The following CLIP2 variants were observed in gnomAD, a reference collection of about 807,000 sequenced individuals.
CLIP2 encodes CAP-Gly domain containing linker protein 2.
CLIP2 carries 41 observed loss-of-function variants against 111.7 expected under a neutral mutation model. The ratio of observed to expected loss-of-function variants is 0.37; its 90% CI spans 0.29 to 0.48. CLIP2 has a LOEUF of 0.48. Among genes scored for constraint, CLIP2 ranks in the 20% least tolerant of loss-of-function variants. CLIP2 has a pLI of 0.99. For synonymous variants in CLIP2, 660 were observed against 644.2 expected (o/e 1.02, Z -0.37); for missense variants, 1,160 against 1,422.1 (o/e 0.82, Z 2.96).
chr7:74,331,940 T>C (rs1367656762), intron 2 of CLIP2, among the ~76,000 whole-genome samples: 2 of 152,052 alleles, frequency 1.3e-5, no homozygotes, highest in African/African-American at 4.8e-5. Flanking sequence ...TATTTGTGTC[T>C]TAAAGAAAAA....
At chr7:74,326,617 A>C (rs1195128565) in intron 2 of CLIP2, among the ~76,000 whole-genome samples, 21 of 150,010 alleles carry the variant, frequency 1.4e-4, no homozygotes, top group Admixed American at 1.3e-3. Context: ...TCTAGTACAC[A>C]CACAGGGCTG....
intron 8 of CLIP2, among the ~76,000 whole-genome samples, chr7:74,365,890 A>T (rs1410027366): frequency 1.3e-5 from 2 of 151,998 alleles, no homozygotes; most frequent in Admixed American, 1.3e-4. Flanking sequence ...AGTAGCTAGG[A>T]CTACAGGCGT....
intron 8 of CLIP2, among the ~76,000 whole-genome samples, chr7:74,372,724 G>A (rs1269953965): frequency 6.7e-6 from 1 of 150,374 alleles, no homozygotes; most frequent in Non-Finnish European, 1.5e-5. Context: ...GTGGGCATGA[G>A]GCCCCACACC....
chr7:74,295,632 T>C (rs1019119278), intron 1 of CLIP2, among the ~76,000 whole-genome samples: 5 of 152,182 alleles, frequency 3.3e-5, no homozygotes, highest in Non-Finnish European at 2.9e-5. Context: ...GAAAGGGGCT[T>C]GTGTGTTCTT....
At chr7:74,326,232 T>C (rs565550177) in intron 2 of CLIP2, among the ~76,000 whole-genome samples, 1 of 152,060 alleles carries the variant, frequency 6.6e-6, no homozygotes, top group East Asian at 1.9e-4. Flanking sequence ...AAAGGAAGAC[T>C]CTGTCTCATA....
chr7:74,368,410 A>G (rs1373981137), intron 8 of CLIP2, among the ~76,000 whole-genome samples: 6 of 151,720 alleles, frequency 4.0e-5, no homozygotes, highest in African/African-American at 1.5e-4. Context: ...CCAGCTATAC[A>G]GGAGGCTGAG....
At chr7:74,341,422 A>G (rs797037506) in intron 3 of CLIP2, among the ~76,000 whole-genome samples, 9 of 151,456 alleles carry the variant, frequency 5.9e-5, no homozygotes, top group African/African-American at 2.2e-4. Flanking sequence ...CTCTTGACCT[A>G]CCCACCTCGG....
chr7:74,346,446 G>C (rs1232240719), intron 3 of CLIP2, among the ~76,000 whole-genome samples: 1 of 152,158 alleles, frequency 6.6e-6, no homozygotes, highest in African/African-American at 2.4e-5. Context: ...TTTGCATCTG[G>C]GCACAGTGGC....
chr7:74,403,231 A>AAG (rs1175592437), intron 16 of CLIP2, among the ~76,000 whole-genome samples: 3 of 149,580 alleles, frequency 2.0e-5, no homozygotes, highest in Non-Finnish European at 4.4e-5. Context: ...AAAAAAAAAA[A>AAG]AGAGAGAGAG....
At chr7:74,318,812 A>G (rs1336830505) in intron 2 of CLIP2, among the ~76,000 whole-genome samples, 1 of 152,216 alleles carries the variant, frequency 6.6e-6, no homozygotes, top group Admixed American at 6.5e-5. Flanking sequence ...TACTCCAGCC[A>G]GCAGGATAGG....
chr7:74,354,808 G>A (rs1554308198), intron 4 of CLIP2, among the ~76,000 whole-genome samples: 4 of 151,336 alleles, frequency 2.6e-5, no homozygotes, highest in Non-Finnish European at 5.9e-5. Flanking sequence ...ATAAATAAAA[G>A]GTGAGGCAGC....
Position 74,399,816 on chromosome 7 carries a change from A to G in CLIP2, c.2881-554A>G, listed in dbSNP as rs111671437. Reference sequence around the variant, plus strand: ...CGGCCTCCCAAAGTGCTGGGATTACAGGCGTGAGCCACCAGGCTCGGTCTC... The same window carrying G: ...CGGCCTCCCAAAGTGCTGGGATTACGGGCGTGAGCCACCAGGCTCGGTCTC... On this transcript the variant is annotated intron_variant, in intron 14 of 16. Transcript: ENST00000223398. 8.8e-3 allele frequency among the ~76,000 whole-genome samples: 1,330 copies of G among 151,288 alleles called. 19 individuals carry two copies. Among genetic ancestry groups the G allele is most frequent in the African/African-American group, 0.029 (1,204 of 41,298 alleles).
At chr7:74,384,076 C>T (rs2116675607) in intron 11 of CLIP2, among the ~76,000 whole-genome samples, 1 of 152,278 alleles carries the variant, frequency 6.6e-6, no homozygotes, top group South Asian at 2.1e-4. Flanking sequence ...GGAATCCCAG[C>T]TACGCAGGAA....
At chr7:74,343,738 CAAA>C (rs34002172) in intron 3 of CLIP2, among the ~76,000 whole-genome samples, 169 of 136,340 alleles carry the variant, frequency 1.2e-3, no homozygotes, top group Non-Finnish European at 1.3e-3. Context: ...ACTAAAAATA[CAAA>C]AAAAAAAAAA....
At position 74,356,465 on chromosome 7, in the gene CLIP2, C is replaced by T. The variant is rs782570627; in HGVS notation, c.859C>T (p.Arg287Cys). The T allele has an allele frequency of 2.4e-5, 39 of 1,614,090 alleles. No homozygotes were observed. The highest frequency in any genetic ancestry group is 8.9e-5 in the East Asian group (4 of 44,896). The change falls in exon 5 of 17, where the codon CGT becomes TGT. Residue 287 changes from arginine to cysteine, a missense_variant. Arg to Cys is a radical substitution (Grantham distance 180). Transcript: ENST00000223398. ...CTTCGCGCCCATCCACAAAGTGATCCGTATCGGCTTCCCATCTACCAGCCC... is the reference window on the plus strand; with the variant it reads ...CTTCGCGCCCATCCACAAAGTGATCTGTATCGGCTTCCCATCTACCAGCCC... ...GLFAPIHKVIRIGFPSTSPAK... is the reference protein window; with the variant it reads ...GLFAPIHKVICIGFPSTSPAK...
At chr7:74,317,157 G>A (rs1584319999) in intron 1 of CLIP2, among the ~76,000 whole-genome samples, 2 of 152,312 alleles carry the variant, frequency 1.3e-5, no homozygotes, top group African/African-American at 4.8e-5. Context: ...CTTTAATGGT[G>A]GGAAGGCAGG....
At chr7:74,304,133 C>T (rs980864231) in intron 1 of CLIP2, among the ~76,000 whole-genome samples, 4 of 151,482 alleles carry the variant, frequency 2.6e-5, no homozygotes, top group African/African-American at 9.7e-5. Flanking sequence ...AGGCTGGTCT[C>T]GAACTCCTGG....
intron 2 of CLIP2, among the ~76,000 whole-genome samples, chr7:74,324,885 C>T (rs149069987): frequency 6.6e-6 from 1 of 152,218 alleles, no homozygotes; most frequent in African/African-American, 2.4e-5. Context: ...AGGACGGTCC[C>T]CCCAGTCCTG....
chr7:74,393,963 A>C (rs538958228), intron 13 of CLIP2, among the ~76,000 whole-genome samples: 4 of 152,106 alleles, frequency 2.6e-5, no homozygotes, highest in African/African-American at 9.7e-5. Flanking sequence ...TGGAAAAGTT[A>C]TTATTGGTGC....
Sources: allele counts gnomAD v4.1 joint callset (sites outside exome capture counted in the v4.1 genomes callset), GRCh38; gene constraint gnomAD v4.1.1; transcripts MANE v1.5; gene names NCBI Gene and HGNC (gene_info 2026-07-23, HGNC 2026-07-21).